THADA: variants seen among roughly 807,000 people sequenced by gnomAD.
THADA encodes the protein THADA armadillo repeat containing.
In THADA, 213 loss-of-function variants were observed where a neutral mutation model predicts 219.8. That is an observed-to-expected ratio of 0.97 (90% confidence interval 0.87 to 1.09). The LOEUF is 1.09. Ranked by LOEUF, THADA falls within the 50% of genes least tolerant of loss-of-function variation. The pLI is 0.00. For missense variants in THADA, 2,956 were observed against 2,311.3 expected (o/e 1.28, Z -5.72); for synonymous variants, 1,018 against 828.9 (o/e 1.23, Z -3.92).
chr2:43,592,661 G>A (rs77519298), intron 1 of THADA, among the ~76,000 whole-genome samples: 142 of 152,290 alleles, frequency 9.3e-4, no homozygotes, highest in South Asian at 1.7e-3. Context: ...GAGAATCACT[G>A]TCTAAGAATT....
intron 12 of THADA, among the ~76,000 whole-genome samples, chr2:43,572,465 A>G (rs1482304281): frequency 6.6e-6 from 1 of 152,080 alleles, no homozygotes; most frequent in Non-Finnish European, 1.5e-5. Context: ...TTTTCTAATC[A>G]TATCTATCAC....
At chr2:43,368,954 A>G (rs1457263815) in intron 29 of THADA, among the ~76,000 whole-genome samples, 8 of 152,184 alleles carry the variant, frequency 5.3e-5, no homozygotes, top group Admixed American at 4.6e-4. Flanking sequence ...GTAAAACTGA[A>G]GTAGTACCAC....
chr2:43,247,156 C>T (rs11685054), intron 36 of THADA, among the ~76,000 whole-genome samples: 46,563 of 152,056 alleles, frequency 0.31, 9,900 homozygotes, highest in African/African-American at 0.61. Context: ...AGTGGAGAAG[C>T]TGGGAGGAGG....
In THADA at chr2:43,425,207, C is replaced by T. The variant is rs180682679; in HGVS notation, c.4058+2893G>A. 6.5e-4 allele frequency among the ~76,000 whole-genome samples: 99 copies of T among 152,244 alleles called. 2 individuals carry two copies. The East Asian group carries it at 0.013, about 19-fold the overall frequency. On this transcript the variant is annotated intron_variant, in intron 28 of 37. Coordinates refer to ENST00000405975, the MANE Select transcript of THADA (RefSeq NM_022065.5). Reference sequence around the variant, plus strand: ...GCTCTCTGAACCTCAATTTCCTCAACGGGCAAATGAGGGTGATAACACCTC... The same window carrying T: ...GCTCTCTGAACCTCAATTTCCTCAATGGGCAAATGAGGGTGATAACACCTC...
intron 35 of THADA, among the ~76,000 whole-genome samples, chr2:43,283,684 T>G (rs189042932): frequency 2.0e-5 from 3 of 152,292 alleles, no homozygotes; most frequent in East Asian, 1.9e-4. Context: ...CAGAAAAAAT[T>G]TGTAAGCAGC....
At chr2:43,570,227 G>T (rs1699140733) in intron 14 of THADA, among the ~76,000 whole-genome samples, 161 bp downstream of exon 14, 1 of 152,058 alleles carries the variant, frequency 6.6e-6, no homozygotes, top group Non-Finnish European at 1.5e-5. Context: ...GCTACATCAA[G>T]TAGAGTACCA....
chr2:43,520,713 T>TATATATATATATATACAC (rs1218079783), intron 22 of THADA, among the ~76,000 whole-genome samples: 1 of 125,050 alleles, frequency 8.0e-6, no homozygotes, highest in African/African-American at 3.0e-5. Flanking sequence ...TATATATATA[T>TATATATATATATATACAC]ACACACACAC....
chr2:43,248,146 TATATATATATATATATATAGAGAGAGAG>T (rs1669366029), intron 36 of THADA, among the ~76,000 whole-genome samples: 3 of 88,486 alleles, frequency 3.4e-5, no homozygotes, highest in South Asian at 4.0e-4. Context: ...TATATATATA[TATATATATATATATATATAGAGAGAGAG>T]AGAGAGAGAG....
intron 21 of THADA, among the ~76,000 whole-genome samples, chr2:43,532,063 G>A (rs545571729): frequency 6.6e-6 from 1 of 150,982 alleles, no homozygotes; most frequent in African/African-American, 2.4e-5. Context: ...ACTGAATTCT[G>A]TTCTGGAGCC....
At chr2:43,553,027 A>C (rs899788289) in intron 17 of THADA, among the ~76,000 whole-genome samples, 1 of 152,202 alleles carries the variant, frequency 6.6e-6, no homozygotes. Flanking sequence ...CACTTAGCAT[A>C]ATGTTTGCAA....
chr2:43,442,442 A>G (rs933295503), intron 26 of THADA, among the ~76,000 whole-genome samples: 1 of 152,182 alleles, frequency 6.6e-6, no homozygotes, highest in Non-Finnish European at 1.5e-5. Context: ...TCGGAGTTGC[A>G]AAGACAGAAA....
intron 36 of THADA, among the ~76,000 whole-genome samples, chr2:43,259,396 T>A (rs527838784): frequency 6.6e-6 from 1 of 152,350 alleles, no homozygotes; most frequent in South Asian, 2.1e-4. Flanking sequence ...AGATAGTACA[T>A]GATTGTCCGC....
chr2:43,273,973 A>G (rs1672431352), intron 36 of THADA, among the ~76,000 whole-genome samples: 1 of 151,904 alleles, frequency 6.6e-6, no homozygotes, highest in South Asian at 2.1e-4. Context: ...CAACCTCACA[A>G]TGCCACTTGC....
intron 32 of THADA, among the ~76,000 whole-genome samples, chr2:43,292,515 G>C (rs1674852654): frequency 1.3e-5 from 2 of 152,072 alleles, no homozygotes; most frequent in Non-Finnish European, 2.9e-5. Context: ...AGCCATGTCA[G>C]CAAAGACTAC....
At chr2:43,249,861 G>A (rs181821269) in intron 36 of THADA, among the ~76,000 whole-genome samples, 20 of 151,830 alleles carry the variant, frequency 1.3e-4, no homozygotes, top group Admixed American at 3.3e-4. Context: ...TTTTTTCTTC[G>A]GTTTATTTCC....
chr2:43,343,884 G>A, intron 30 of THADA: 1 of 384,992 alleles, frequency 2.6e-6, no homozygotes, highest in Non-Finnish European at 4.9e-6. Context: ...AAGCTGATTG[G>A]TGGGCAGACA....
intron 31 of THADA, among the ~76,000 whole-genome samples, chr2:43,311,700 A>G (rs113515499): frequency 3.3e-5 from 5 of 152,234 alleles, no homozygotes; most frequent in African/African-American, 1.2e-4. Context: ...GAACAAAATG[A>G]CCAACATGGA....
In THADA at chr2:43,546,085, G is replaced by A. The variant is rs1385892673; in HGVS notation, c.3106+3125C>T. 6.7e-5 allele frequency among the ~76,000 whole-genome samples: 10 copies of A among 149,826 alleles called. No individual in the cohort carries two copies. The South Asian group carries it at 8.7e-4, about 13-fold the overall frequency. On this transcript the variant is annotated intron_variant, in intron 20 of 37. Transcript: ENST00000405975. ...TCTGGTATGTTGTGTCTTTGTTCTCGTTGGTTTCAAAGAACATCTTTATTT... is the reference window on the plus strand; with the variant it reads ...TCTGGTATGTTGTGTCTTTGTTCTCATTGGTTTCAAAGAACATCTTTATTT...
Position 43,541,167 on chromosome 2 carries a change from C to T in THADA, c.3256G>A (p.Val1086Met), listed in dbSNP as rs910812116. 8 of 1,575,560 alleles carry T rather than the reference C, an allele frequency of 5.1e-6. No homozygotes were observed. The Admixed American group carries it at 5.9e-5, about 12-fold the overall frequency. ...VPESSDGLLT[V>M]EQVKEIGDYF... Reference sequence around the variant, plus strand: ...ATAAACATGTGCCTTACCTGCTCCACCGTCAATAATCCATCAGAAGATTCT... The same window carrying T: ...ATAAACATGTGCCTTACCTGCTCCATCGTCAATAATCCATCAGAAGATTCT... The change falls in exon 21 of 38, where the codon GTG becomes ATG. Residue 1086 changes from valine to methionine, a missense_variant. By Grantham distance (21) the Val-to-Met change is conservative. Coordinates refer to ENST00000405975, the MANE Select transcript of THADA (RefSeq NM_022065.5).
Sources: allele counts gnomAD v4.1 joint callset (sites outside exome capture counted in the v4.1 genomes callset), GRCh38; gene constraint gnomAD v4.1.1; transcripts MANE v1.5; gene names NCBI Gene and HGNC (gene_info 2026-07-23, HGNC 2026-07-21).